ADHFE1: variants seen among roughly 807,000 people sequenced by gnomAD.
The protein encoded by ADHFE1 is hydroxyacid-oxoacid transhydrogenase, mitochondrial.
ADHFE1 carries 37 observed loss-of-function variants against 54.8 expected under a neutral mutation model. The observed-to-expected ratio is 0.68, with a 90% CI of 0.52 to 0.89. The LOEUF is 0.89. ADHFE1 is among the 40% of genes least tolerant of loss of function. The pLI is 0.00. For synonymous variants in ADHFE1, 203 were observed against 229.3 expected (o/e 0.89, Z 1.04); for missense variants, 601 against 591.2 (o/e 1.02, Z -0.17).
chr8:66,460,215 G>C (rs1351353286), intron 12 of ADHFE1, 93 bp from the exon 13 acceptor site: 1 of 1,492,850 alleles, frequency 6.7e-7, no homozygotes, highest in Non-Finnish European at 9.2e-7. Context: ...GACCCCGTGG[G>C]TGTGCATGGT....
rs770508767 is a variant in ADHFE1 at position 66,432,539 on chromosome 8, G to A, written c.23G>A (p.Arg8Gln). 1.3e-5 allele frequency: 18 copies of A among 1,359,396 alleles called. No individual in the cohort carries two copies. The highest frequency in any genetic ancestry group is 9.1e-5 in the Admixed American group (3 of 32,820). 84.2% of individuals were successfully genotyped at this position (1,359,396 alleles called of 1,614,324 possible). Reference sequence around the variant, plus strand: ...GCCATGGCCGCTGCCGCCCGAGCCCGGGTCGCGTACTTGCTGAGGCAACTG... The same window carrying A: ...GCCATGGCCGCTGCCGCCCGAGCCCAGGTCGCGTACTTGCTGAGGCAACTG... MAAAARA[R>Q]VAYLLRQLQR... The change falls in exon 1 of 14, where the codon CGG becomes CAG. Residue 8 changes from arginine (R) to glutamine (Q), a missense_variant. Coordinates refer to ENST00000396623, the MANE Select transcript of ADHFE1 (RefSeq NM_144650.3).
intron 13 of ADHFE1, among the ~76,000 whole-genome samples, chr8:66,466,607 A>T (rs1240985796): frequency 6.6e-6 from 1 of 152,148 alleles, no homozygotes; most frequent in Non-Finnish European, 1.5e-5. Context: ...GAAGGAAAAT[A>T]AAGTCCCTTT....
chr8:66,448,954 GGC>G lies in ADHFE1; in HGVS notation c.719_720del (p.Gly240ValfsTer2). On this transcript the variant is annotated frameshift_variant, in exon 8 of 14. Transcript: ENST00000396623. LOFTEE classifies it high-confidence loss of function. ...GCCTGCCCGAGTGGTCGCCAACAGTGGCTTTGATGTGCTTTGGTAAGTGCTGG... is the reference window on the plus strand; with the variant it reads ...GCCTGCCCGAGTGGTCGCCAACAGTGTTTGATGTGCTTTGGTAAGTGCTGG... ...HMPARVVANSGFDVLCHALES... is the reference protein window; with the variant it reads ...HMPARVVANSXFDVLCHALES... The G allele has an allele frequency of 6.2e-7, 1 of 1,614,032 alleles. No homozygotes were observed. Among genetic ancestry groups the G allele is most frequent in the Non-Finnish European group, 8.5e-7 (1 of 1,180,008 alleles).
At chr8:66,440,680 TAACA>T (rs1396689884) in intron 2 of ADHFE1, among the ~76,000 whole-genome samples, 2 of 152,208 alleles carry the variant, frequency 1.3e-5, no homozygotes, top group African/African-American at 4.8e-5. Context: ...TTAAAAATAA[TAACA>T]AACCTTCAGT....
chr8:66,444,415 G>C lies in ADHFE1; in HGVS notation c.193G>C (p.Gly65Arg). 6.2e-7 allele frequency: 1 copy of C among 1,614,092 alleles called. No individual in the cohort carries two copies. The highest frequency in any genetic ancestry group is 2.2e-5 in the East Asian group (1 of 44,874). Residue 65 changes from glycine (G) to arginine (R), a missense_variant, in exon 4 of 14, where the codon GGA (glycine) becomes CGA (arginine). Gly to Arg is a moderately radical substitution (Grantham distance 125, BLOSUM62 -2). Transcript: ENST00000396623. The part of the protein sequence containing the change: ...RYGAAVTKEV[G>R]MDLKNMGAKN... ...TGGAGCAGCAGTTACAAAGGAAGTA[G>C]GAATGGCAAGTATTCGAGATGTCTA...
Position 66,439,497 on chromosome 8 carries a change from T to G in ADHFE1, c.60-665T>G. The G allele has an allele frequency of 1.0e-6, 1 of 985,444 alleles. No homozygotes were observed. The highest frequency in any genetic ancestry group is 1.2e-6 in the Non-Finnish European group (1 of 830,080). 61.0% of individuals were successfully genotyped at this position (985,444 alleles called of 1,614,324 possible). On this transcript the variant is annotated intron_variant, in intron 1 of 13. Transcript: ENST00000396623. The surrounding 1 kb of genome is among the most constrained non-coding windows in gnomAD (Gnocchi z 4.4). ...AGGACGTGGGAAATCTGTAGAGAAG[T>G]CGACCGAGAAGTGAGATGCGGTGGC...
chr8:66,453,635 G>T, intron 9 of ADHFE1: 3 of 1,276,318 alleles, frequency 2.4e-6, no homozygotes, highest in South Asian at 2.3e-5. Context: ...CCAGTGGGAG[G>T]CAGTGTCTCA....
chr8:66,459,013 G>A (rs778730027), intron 12 of ADHFE1, among the ~76,000 whole-genome samples: 1 of 152,182 alleles, frequency 6.6e-6, no homozygotes, highest in Non-Finnish European at 1.5e-5. Context: ...CTCCCAGCCA[G>A]CCCCGTATCT....
chr8:66,465,177 A>G (rs1002466325), intron 13 of ADHFE1, among the ~76,000 whole-genome samples: 1 of 152,194 alleles, frequency 6.6e-6, no homozygotes, highest in African/African-American at 2.4e-5. Context: ...TGCGATGAAT[A>G]TTGGTGTACA....
chr8:66,445,125 A>G, intron 5 of ADHFE1, 93 bp from the exon 6 acceptor site: 2 of 1,257,292 alleles, frequency 1.6e-6, no homozygotes, highest in East Asian at 2.5e-5. Context: ...AACAAAAAAA[A>G]CCCCACAAAA....
chr8:66,432,857 T>G (rs911303777), intron 1 of ADHFE1: 19 of 1,215,382 alleles, frequency 1.6e-5, no homozygotes, highest in Non-Finnish European at 1.7e-5. Context: ...TAGCAGGCAG[T>G]GGAGAGCTTG....
At chr8:66,444,096 G>A (rs1050582276) in intron 3 of ADHFE1, among the ~76,000 whole-genome samples, 1 of 152,146 alleles carries the variant, frequency 6.6e-6, no homozygotes, top group South Asian at 2.1e-4. Context: ...GTTGGAAGAA[G>A]GTAGGCATTT....
At chr8:66,449,093 G>C (rs1806172600) in intron 8 of ADHFE1, 123 bp downstream of exon 8, 1 of 850,592 alleles carries the variant, frequency 1.2e-6, no homozygotes, top group Non-Finnish European at 1.9e-6. Flanking sequence ...AGCTTTGGCT[G>C]TCATTACCCC....
At chr8:66,461,463 T>C (rs945596941) in intron 13 of ADHFE1, among the ~76,000 whole-genome samples, 3 of 151,980 alleles carry the variant, frequency 2.0e-5, no homozygotes, top group Admixed American at 1.3e-4. Context: ...ACTAGCTTCT[T>C]CCTCCCCACT....
At chr8:66,450,182 A>G (rs866706166) in intron 8 of ADHFE1, among the ~76,000 whole-genome samples, 4 of 152,222 alleles carry the variant, frequency 2.6e-5, no homozygotes, top group Non-Finnish European at 5.9e-5. Flanking sequence ...ATTCTGGTCA[A>G]TATTGTCAGA....
chr8:66,453,559 C>A, intron 9 of ADHFE1: 1 of 517,432 alleles, frequency 1.9e-6, no homozygotes, highest in Admixed American at 3.4e-5. Flanking sequence ...ACAATAACAT[C>A]CACTTCCTCA....
At chr8:66,435,085 A>G (rs1388515952) in intron 1 of ADHFE1, among the ~76,000 whole-genome samples, 1 of 152,160 alleles carries the variant, frequency 6.6e-6, no homozygotes, top group Non-Finnish European at 1.5e-5. Context: ...GGCACAGGGG[A>G]TAGATGACAA....
Position 66,446,738 on chromosome 8 carries a change from A to T in ADHFE1, c.551-526A>T, listed in dbSNP as rs927544286. Among the ~76,000 whole-genome samples, 22 of 152,366 alleles carry T rather than the reference A, an allele frequency of 1.4e-4. 2 individuals are homozygous for T. The highest frequency in any genetic ancestry group is 1.2e-3 in the Admixed American group (19 of 15,306). On this transcript the variant is annotated intron_variant, in intron 6 of 13. Transcript: ENST00000396623. Reference sequence around the variant, plus strand: ...TGCATATTAAACACACATGCATGCTAAACATGCACGTATGTTAATGCAGAC... The same window carrying T: ...TGCATATTAAACACACATGCATGCTTAACATGCACGTATGTTAATGCAGAC...
chr8:66,435,586 TCTC>T (rs1044948266), intron 1 of ADHFE1, among the ~76,000 whole-genome samples: 77 of 145,694 alleles, frequency 5.3e-4, no homozygotes, highest in Non-Finnish European at 9.0e-4. Flanking sequence ...TCCAGAATAA[TCTC>T]CTCATTTCAA....
Sources: allele counts gnomAD v4.1 joint callset (sites outside exome capture counted in the v4.1 genomes callset), GRCh38; gene constraint gnomAD v4.1.1; non-coding constraint Gnocchi (gnomAD v3.1); transcripts MANE v1.5; gene names NCBI Gene and HGNC (gene_info 2026-07-23, HGNC 2026-07-21).